The following ERBB4 variants were observed in gnomAD, a reference collection of about 807,000 sequenced individuals.
ERBB4 encodes the protein erb-b2 receptor tyrosine kinase 4.
Under a neutral mutation model 158.0 loss-of-function variants are expected in ERBB4, and 42 were observed. The observed-to-expected ratio is 0.27, with a 90% CI of 0.21 to 0.34. The LOEUF is 0.34. Among genes scored for constraint, ERBB4 ranks in the 10% least tolerant of loss-of-function variants. The pLI, the probability that ERBB4 is intolerant of heterozygous loss-of-function variation, is 1.00. For missense variants in ERBB4, 1,333 were observed against 1,624.1 expected (o/e 0.82, Z 3.08); for synonymous variants, 583 against 558.7 (o/e 1.04, Z -0.61).
intron 1 of ERBB4, among the ~76,000 whole-genome samples, chr2:212,456,830 T>C (rs1258586824): frequency 1.3e-5 from 2 of 152,014 alleles, no homozygotes; most frequent in Non-Finnish European, 2.9e-5. Context: ...CAATATGTTA[T>C]CAAATAGTAA....
intron 1 of ERBB4, among the ~76,000 whole-genome samples, chr2:212,227,224 G>A (rs531334328): frequency 1.5e-5 from 2 of 135,398 alleles, no homozygotes; most frequent in South Asian, 2.3e-4. Flanking sequence ...CAGCATGGGC[G>A]ACAGAATGAG....
intron 1 of ERBB4, among the ~76,000 whole-genome samples, chr2:212,320,483 C>A (rs1505364): frequency 0.9 from 131,516 of 146,582 alleles, 59,619 homozygotes; most frequent in Middle Eastern, 0.97. Flanking sequence ...TTCTCACTAA[C>A]AGGACTAAAG....
intron 12 of ERBB4, among the ~76,000 whole-genome samples, chr2:211,690,092 A>T (rs1363490099): frequency 1.3e-5 from 2 of 148,854 alleles, no homozygotes; most frequent in Non-Finnish European, 3.0e-5. Flanking sequence ...TATAATATAC[A>T]TCTAATATAT....
At chr2:211,649,148 A>C (rs1045237900) in intron 16 of ERBB4, among the ~76,000 whole-genome samples, 1 of 151,872 alleles carries the variant, frequency 6.6e-6, no homozygotes, top group African/African-American at 2.4e-5. Context: ...TGAGAACTGC[A>C]TTATAAAATC....
At chr2:211,868,140 G>C (rs1244659793) in intron 3 of ERBB4, among the ~76,000 whole-genome samples, 1 of 152,098 alleles carries the variant, frequency 6.6e-6, no homozygotes, top group African/African-American at 2.4e-5. Flanking sequence ...TTCTTAGATA[G>C]GAAAAAACCT....
chr2:211,716,651 G>A (rs1362029065), intron 7 of ERBB4, among the ~76,000 whole-genome samples: 2 of 151,938 alleles, frequency 1.3e-5, no homozygotes, highest in African/African-American at 4.8e-5. Flanking sequence ...ATTCCGGCCT[G>A]GGCGACAGAG....
chr2:212,049,239 C>A (rs540518729), intron 2 of ERBB4, among the ~76,000 whole-genome samples: 1 of 152,274 alleles, frequency 6.6e-6, no homozygotes, highest in East Asian at 1.9e-4. Context: ...TTAAAATAAT[C>A]TTTGGGAACA....
intron 12 of ERBB4, among the ~76,000 whole-genome samples, chr2:211,693,375 T>C (rs2072892574): frequency 6.6e-6 from 1 of 152,172 alleles, no homozygotes; most frequent in South Asian, 2.1e-4. Flanking sequence ...GAATATGTTA[T>C]TGTTAGTAAA....
At chr2:211,523,540 G>T (rs975989216) in intron 20 of ERBB4, among the ~76,000 whole-genome samples, 2 of 151,646 alleles carry the variant, frequency 1.3e-5, no homozygotes, top group Non-Finnish European at 2.9e-5. Flanking sequence ...CGTCCTTCTG[G>T]TGGGTTCGTG....
chr2:211,750,230 G>T (rs1197891774), intron 5 of ERBB4, among the ~76,000 whole-genome samples: 2 of 152,120 alleles, frequency 1.3e-5, no homozygotes, highest in African/African-American at 4.8e-5. Context: ...TGGGTACATA[G>T]TACCCTTTCT....
intron 2 of ERBB4, among the ~76,000 whole-genome samples, chr2:212,088,183 T>A (rs1243337056): frequency 1.3e-5 from 2 of 152,102 alleles, no homozygotes; most frequent in African/African-American, 4.8e-5. Flanking sequence ...ACACTATATA[T>A]AAAGGGCAAA....
chr2:211,995,235 G>T lies in ERBB4; in HGVS notation c.235-47619C>A, dbSNP rs116378143. 5.6e-3 allele frequency among the ~76,000 whole-genome samples: 857 copies of T among 152,202 alleles called. 2 individuals are homozygous for T. Among genetic ancestry groups the T allele is most frequent in the Non-Finnish European group, 9.5e-3 (646 of 68,020 alleles). On this transcript the variant is annotated intron_variant, in intron 2 of 27. Coordinates refer to ENST00000342788, the MANE Select transcript of ERBB4 (RefSeq NM_005235.3). ...TTTTGTTTCACTGTTTAATTTCTCA[G>T]TTCATTTTTCTGTGCTCTATGAAAA...
intron 1 of ERBB4, among the ~76,000 whole-genome samples, chr2:212,138,425 G>T (rs180902365): frequency 6.6e-6 from 1 of 152,172 alleles, no homozygotes; most frequent in East Asian, 1.9e-4. Flanking sequence ...CCCCAATGGA[G>T]CAGTATCAAG....
At chr2:211,672,711 T>G (rs181498458) in intron 14 of ERBB4, among the ~76,000 whole-genome samples, 1 of 152,344 alleles carries the variant, frequency 6.6e-6, no homozygotes, top group Non-Finnish European at 1.5e-5. Flanking sequence ...TATGTTTATA[T>G]GTTTCTTCTT....
chr2:211,430,941 C>T lies in ERBB4; in HGVS notation c.2643+4G>A, dbSNP rs2125429186. 6.2e-7 allele frequency: 1 copy of T among 1,611,156 alleles called. No homozygotes were observed. The highest frequency in any genetic ancestry group is 8.5e-7 in the Non-Finnish European group (1 of 1,177,534). On this transcript the variant is annotated splice_donor_region_variant and intron_variant, in intron 21 of 27. Coordinates refer to ENST00000342788, the MANE Select transcript of ERBB4 (RefSeq NM_005235.3). ...AGCAAGATTGCTCTCAAAAAGATAC[C>T]CACCTTTCCTCCATCAGCATTGTAC...
chr2:211,850,853 C>T (rs376651482), intron 3 of ERBB4, among the ~76,000 whole-genome samples: 1 of 151,842 alleles, frequency 6.6e-6, no homozygotes, highest in Non-Finnish European at 1.5e-5. Flanking sequence ...GAAAGATAAT[C>T]TAAAACTAAG....
chr2:211,637,968 C>T (rs1000049990), intron 16 of ERBB4, among the ~76,000 whole-genome samples: 7 of 151,866 alleles, frequency 4.6e-5, no homozygotes, highest in Admixed American at 3.9e-4. Flanking sequence ...TAGGGGTTTT[C>T]ATAGAACTTT....
intron 20 of ERBB4, among the ~76,000 whole-genome samples, chr2:211,468,770 A>G (rs2064759705): frequency 6.6e-6 from 1 of 152,144 alleles, no homozygotes; most frequent in Admixed American, 6.6e-5. Context: ...GAAGAATACT[A>G]TCATGGTGCT....
At chr2:211,980,834 T>A (rs1398257575) in intron 2 of ERBB4, among the ~76,000 whole-genome samples, 1 of 152,152 alleles carries the variant, frequency 6.6e-6, no homozygotes, top group Non-Finnish European at 1.5e-5. Context: ...TAATTAAATA[T>A]AGTATAAGGA....
Sources: gnomAD v4.1 joint callset for allele counts (sites outside exome capture counted in the v4.1 genomes callset) on GRCh38, gnomAD v4.1.1 for gene constraint, MANE v1.5 for transcripts, NCBI Gene and HGNC (gene_info 2026-07-23, HGNC 2026-07-21) for gene names.